Variants in DENND1B observed in about 807,000 individuals in gnomAD.
The protein encoded by DENND1B is DENN domain containing 1B, also known as DENN domain-containing protein 1B.
DENND1B carries 59 observed loss-of-function variants against 90.1 expected under a neutral mutation model. The ratio of observed to expected loss-of-function variants is 0.65; its 90% CI spans 0.53 to 0.81. The LOEUF is 0.81. Among genes scored for constraint, DENND1B ranks in the 40% least tolerant of loss-of-function variants. The pLI, the probability that DENND1B is intolerant of heterozygous loss-of-function variation, is 0.00. For missense variants in DENND1B, 862 were observed against 912.6 expected (o/e 0.94, Z 0.71); for synonymous variants, 337 against 324.6 (o/e 1.04, Z -0.41).
chr1:197,698,139 C>T (rs1658635342), intron 3 of DENND1B, among the ~76,000 whole-genome samples: 1 of 152,140 alleles, frequency 6.6e-6, no homozygotes, highest in Non-Finnish European at 1.5e-5. Context: ...CCACATCACA[C>T]TTATTCTAAA....
upstream of DENND1B, among the ~76,000 whole-genome samples, chr1:197,777,048 C>A (rs77318002): frequency 0.016 from 2,468 of 152,092 alleles, 253 homozygotes; most frequent in East Asian, 0.3. Context: ...CATAAGTTTT[C>A]TTTTCCCAAA....
chr1:197,719,217 A>G (rs1660928700), intron 2 of DENND1B, among the ~76,000 whole-genome samples: 1 of 152,150 alleles, frequency 6.6e-6, no homozygotes. Context: ...GAGGAAAGTA[A>G]AGGTAGACAG....
intron 10 of DENND1B, among the ~76,000 whole-genome samples, chr1:197,642,034 T>C (rs116507340): frequency 0.018 from 2,792 of 152,172 alleles, 81 homozygotes; most frequent in African/African-American, 0.063. Flanking sequence ...GTTGAAAATA[T>C]TAAATTTTTG....
At chr1:197,717,971 A>G (rs1660797733) in intron 2 of DENND1B, among the ~76,000 whole-genome samples, 1 of 152,048 alleles carries the variant, frequency 6.6e-6, no homozygotes, top group Non-Finnish European at 1.5e-5. Context: ...TTGGAAAAGT[A>G]TAATATACAA....
chr1:197,544,203 G>C (rs1006769664), intron 18 of DENND1B, among the ~76,000 whole-genome samples: 2 of 152,072 alleles, frequency 1.3e-5, no homozygotes, highest in African/African-American at 4.8e-5. Flanking sequence ...ATGTATAAAA[G>C]CTTTTTTTGT....
chr1:197,655,377 T>C lies in DENND1B; in HGVS notation c.366+2923A>G, dbSNP rs181939465. On this transcript the variant is annotated intron_variant, in intron 6 of 22. Transcript: ENST00000620048. ...ATAGAACAGTTCCAATTCTCAATTA[T>C]TACTTTAGTTGTGTAGACACAGAGT... Among the ~76,000 whole-genome samples the C allele has an allele frequency of 2.7e-3, 410 of 152,346 alleles. 3 individuals carry two copies. The highest frequency in any genetic ancestry group is 3.4e-3 in the Non-Finnish European group (232 of 68,030).
intron 3 of DENND1B, among the ~76,000 whole-genome samples, chr1:197,694,296 T>C (rs1658209006): frequency 6.6e-6 from 1 of 151,576 alleles, no homozygotes; most frequent in African/African-American, 2.4e-5. Flanking sequence ...CAAAGTAACA[T>C]ATTTTATGAG....
chr1:197,629,119 C>T (rs142824545), intron 10 of DENND1B, among the ~76,000 whole-genome samples: 24,305 of 152,004 alleles, frequency 0.16, 2,236 homozygotes, highest in Non-Finnish European at 0.2. Context: ...GTCAGTGTGG[C>T]GATTCCTCAG....
At chr1:197,736,087 C>A in intron 2 of DENND1B, 1 of 787,248 alleles carries the variant, frequency 1.3e-6, no homozygotes, top group Non-Finnish European at 2.2e-6. Context: ...AGTTTCAGTT[C>A]TCGAGTTGGT....
intron 3 of DENND1B, among the ~76,000 whole-genome samples, chr1:197,684,943 C>A (rs1372572455): frequency 6.6e-6 from 1 of 151,956 alleles, no homozygotes; most frequent in Non-Finnish European, 1.5e-5. Flanking sequence ...ATGGTAAAAC[C>A]CCGTCTCTAC....
intron 3 of DENND1B, among the ~76,000 whole-genome samples, chr1:197,685,952 T>G (rs553242823): frequency 6.6e-6 from 1 of 152,300 alleles, no homozygotes; most frequent in African/African-American, 2.4e-5. Flanking sequence ...GATGCCAATT[T>G]TGTTCTTAGT....
At chr1:197,756,162 A>G (rs1385339987) in intron 2 of DENND1B, among the ~76,000 whole-genome samples, 1 of 152,262 alleles carries the variant, frequency 6.6e-6, no homozygotes, top group African/African-American at 2.4e-5. Flanking sequence ...ATTAAGGAAC[A>G]GAATATTTTG....
chr1:197,584,735 AT>A (rs1034128405), intron 14 of DENND1B, among the ~76,000 whole-genome samples: 2 of 152,078 alleles, frequency 1.3e-5, no homozygotes, highest in African/African-American at 4.8e-5. Flanking sequence ...ATAGTGGTTC[AT>A]TCATAGCTCA....
intron 3 of DENND1B, among the ~76,000 whole-genome samples, chr1:197,693,948 A>G (rs1302728354): frequency 1.3e-5 from 2 of 151,536 alleles, no homozygotes; most frequent in Non-Finnish European, 3.0e-5. Flanking sequence ...ATCAAGTTCA[A>G]TATTTTCAGC....
At chr1:197,610,685 A>C (rs1677104686) in intron 12 of DENND1B, among the ~76,000 whole-genome samples, 2 of 150,802 alleles carry the variant, frequency 1.3e-5, no homozygotes, top group Admixed American at 6.6e-5. Flanking sequence ...TATATTCCAC[A>C]ATCTAATAAC....
At chr1:197,626,183 C>T (rs1052759883) in intron 10 of DENND1B, among the ~76,000 whole-genome samples, 70 of 152,226 alleles carry the variant, frequency 4.6e-4, no homozygotes, top group African/African-American at 1.6e-3. Context: ...TAATAGACAT[C>T]TACAGAACTC....
intron 11 of DENND1B, among the ~76,000 whole-genome samples, chr1:197,616,258 G>T (rs1185020929): frequency 3.3e-5 from 5 of 150,824 alleles, no homozygotes; most frequent in African/African-American, 4.9e-5. Context: ...TTACTGAACA[G>T]TATATACAAA....
chr1:197,577,670 C>T (rs1239870437), intron 15 of DENND1B, among the ~76,000 whole-genome samples: 1 of 152,098 alleles, frequency 6.6e-6, no homozygotes, highest in Middle Eastern at 3.2e-3. Context: ...TGGCTTAAGT[C>T]TTTGTAAAGC....
intron 2 of DENND1B, chr1:197,733,970 A>AT: frequency 1.9e-6 from 1 of 520,954 alleles, no homozygotes; most frequent in Non-Finnish European, 2.5e-6. Flanking sequence ...AATCTCTTGC[A>AT]TTTAAAAATC....
Sources: allele counts gnomAD v4.1 joint callset (sites outside exome capture counted in the v4.1 genomes callset), GRCh38; gene constraint gnomAD v4.1.1; transcripts MANE v1.5; gene names NCBI Gene and HGNC (gene_info 2026-07-23, HGNC 2026-07-21).